The following DYNC2LI1 variants were observed in gnomAD, a reference collection of about 807,000 sequenced individuals.
The protein encoded by DYNC2LI1 is cytoplasmic dynein 2 light intermediate chain 1.
DYNC2LI1 carries 45 observed loss-of-function variants against 51.9 expected under a neutral mutation model. That is an observed-to-expected ratio of 0.87 (90% CI 0.68 to 1.11). The LOEUF is 1.11. Among genes scored for constraint, DYNC2LI1 ranks in the 50% most tolerant of loss-of-function variants. The pLI is 0.00. For missense variants in DYNC2LI1, 490 were observed against 417.4 expected (o/e 1.17, Z -1.51); for synonymous variants, 130 against 137.8 (o/e 0.94, Z 0.40).
In DYNC2LI1 at chr2:43,794,803, A is replaced by T. The variant is rs988199994; in HGVS notation, c.507+160A>T. 7.4e-6 allele frequency: 11 copies of T among 1,480,562 alleles called. No homozygotes were observed. The African/African-American group carries it at 1.6e-4, about 21-fold the overall frequency. 91.7% of individuals were successfully genotyped at this position (1,480,562 alleles called of 1,614,324 possible). On this transcript the variant is annotated intron_variant, in intron 6 of 12. Transcript: ENST00000260605. ...AATTACAGCAATTTATTAAAACCTCAGTAAGAGCAAAACAAGGAAGAAGAT... is the reference window on the plus strand; with the variant it reads ...AATTACAGCAATTTATTAAAACCTCTGTAAGAGCAAAACAAGGAAGAAGAT...
At position 43,809,981 on chromosome 2, in the gene DYNC2LI1, A is replaced by C; in HGVS notation, c.*214A>C. ...AGAACCACGTGTAATTTTTTTTAAAATAAAAGAATCTTCTACTACCTACCT... is the reference window on the plus strand; with the variant it reads ...AGAACCACGTGTAATTTTTTTTAAACTAAAAGAATCTTCTACTACCTACCT... On this transcript the variant is annotated 3_prime_UTR_variant, in exon 13 of 13. Transcript: ENST00000260605. 1 of 1,250,362 alleles carries C rather than the reference A, an allele frequency of 8.0e-7. No homozygotes were observed. The highest frequency in any genetic ancestry group is 1.0e-6 in the Non-Finnish European group (1 of 978,256). The allele number at this position is 1,250,362 out of a possible 1,614,324, so 77.5% of individuals were successfully genotyped here. A position where few individuals can be genotyped will look rare whatever the true frequency, so the allele number is the denominator to read the frequency against.
downstream of DYNC2LI1, among the ~76,000 whole-genome samples, chr2:43,811,284 C>G (rs147984320): frequency 4.1e-4 from 62 of 152,284 alleles, no homozygotes; most frequent in African/African-American, 1.4e-3. Context: ...TGTCAAAGAC[C>G]TTTTATAAAA....
At chr2:43,810,895 T>C (rs1158714805), downstream of DYNC2LI1, among the ~76,000 whole-genome samples, 4 of 152,220 alleles carry the variant, frequency 2.6e-5, no homozygotes, top group African/African-American at 4.8e-5. Context: ...GTAATAGGAA[T>C]TGTTATTATG....
At chr2:43,828,069 C>T in the DYNC2LI1 span, 10 of 1,614,102 alleles carry the variant, frequency 6.2e-6, no homozygotes, top group South Asian at 3.3e-5. Flanking sequence ...GCCAATCAGT[C>T]GGTCTGCCAC....
chr2:43,819,881 C>T, the DYNC2LI1 span: 1 of 1,606,636 alleles, frequency 6.2e-7, no homozygotes, highest in African/African-American at 1.3e-5. Flanking sequence ...AACAGATTAT[C>T]CCAATCTAAA....
chr2:43,823,924 G>A, the DYNC2LI1 span: 8 of 1,614,152 alleles, frequency 5.0e-6, 1 homozygote, highest in East Asian at 8.9e-5. Flanking sequence ...CAGATTCACA[G>A]CGTTCAGCAT....
the DYNC2LI1 span, chr2:43,822,895 G>A: frequency 2.1e-4 from 346 of 1,614,088 alleles, 1 homozygote; most frequent in Middle Eastern, 1.2e-3. Flanking sequence ...GGTAGAGGCC[G>A]TCCTGACTCT....
intron 7 of DYNC2LI1, among the ~76,000 whole-genome samples, chr2:43,796,510 A>T (rs1466527137): frequency 3.9e-5 from 6 of 152,220 alleles, no homozygotes; most frequent in African/African-American, 1.4e-4. Context: ...CTAAGTATTT[A>T]AACAAAGAAA....
Position 43,776,867 on chromosome 2 carries a change from A to T in DYNC2LI1, c.94A>T (p.Lys32Ter). Residue 32 changes from lysine (K) to a stop codon, truncating the protein, a stop_gained, in exon 2 of 13, where the codon AAA (lysine) becomes TAA (stop). Coordinates refer to ENST00000260605, the MANE Select transcript of DYNC2LI1 (RefSeq NM_016008.4). LOFTEE classifies it high-confidence loss of function. Reference protein sequence around the residue: ...SEGDGAEIAEKFVFFIGSKNG... With the variant: ...SEGDGAEIAE ...AGGTGATGGAGCTGAAATTGCAGAA[A>T]AATTTGTTTTCTTCATTGGCAGTAA... 6.2e-7 allele frequency: 1 copy of T among 1,604,194 alleles called. No individual in the cohort carries two copies. Among genetic ancestry groups the T allele is most frequent in the African/African-American group, 1.3e-5 (1 of 74,518 alleles).
In DYNC2LI1 at chr2:43,805,188, C is replaced by T. The variant is rs147707047; in HGVS notation, c.935C>T (p.Ala312Val). Residue 312 changes from alanine (A) to valine (V), a missense_variant, in exon 12 of 13, where the codon GCG becomes GTG. Coordinates refer to ENST00000260605, the MANE Select transcript of DYNC2LI1 (RefSeq NM_016008.4). Reference sequence around the variant, plus strand: ...ACGCTGAAAGATATCAAGGACCCTGCGAGAGATCCTCAGTATGCTGAAAAT... The same window carrying T: ...ACGCTGAAAGATATCAAGGACCCTGTGAGAGATCCTCAGTATGCTGAAAAT... ...INTLKDIKDPARDPQYAENEV... is the reference protein window; with the variant it reads ...INTLKDIKDPVRDPQYAENEV... 35 of 1,611,456 alleles carry T rather than the reference C, an allele frequency of 2.2e-5. No individual in the cohort carries two copies. Among genetic ancestry groups the T allele is most frequent in the African/African-American group, 1.9e-4 (14 of 74,870 alleles).
At chr2:43,775,524 G>C (rs1290240778) in intron 1 of DYNC2LI1, among the ~76,000 whole-genome samples, 3 of 151,062 alleles carry the variant, frequency 2.0e-5, no homozygotes, top group Admixed American at 1.3e-4. Flanking sequence ...GGGGAGACAA[G>C]GTCTTGCTGT....
At chr2:43,824,072 G>T in the DYNC2LI1 span, 1 of 1,614,164 alleles carries the variant, frequency 6.2e-7, no homozygotes, top group Non-Finnish European at 8.5e-7. Flanking sequence ...TGAAGGAGAC[G>T]CGTAATCACT....
chr2:43,785,788 A>G (rs1350492125), intron 3 of DYNC2LI1, among the ~76,000 whole-genome samples: 2 of 151,988 alleles, frequency 1.3e-5, no homozygotes, highest in African/African-American at 4.8e-5. Flanking sequence ...TCAGAAACAA[A>G]AAGTAGAATG....
chr2:43,795,333 G>A (rs1378343817), intron 6 of DYNC2LI1: 4 of 312,664 alleles, frequency 1.3e-5, no homozygotes, highest in Non-Finnish European at 1.9e-5. Context: ...GTGAAACCCC[G>A]TCTCTACTTA....
At chr2:43,810,455 A>C, downstream of DYNC2LI1, 1 of 985,422 alleles carries the variant, frequency 1.0e-6, no homozygotes, top group South Asian at 4.7e-5. Context: ...ATTATTTCCA[A>C]GGTGGGATAG....
intron 10 of DYNC2LI1, among the ~76,000 whole-genome samples, chr2:43,801,994 G>A (rs1367013814): frequency 6.6e-6 from 1 of 152,046 alleles, no homozygotes; most frequent in African/African-American, 2.4e-5. Context: ...CTGATTTCCA[G>A]GTACTTTTAA....
At chr2:43,814,284 C>G (rs943705933), downstream of DYNC2LI1, among the ~76,000 whole-genome samples, 1 of 152,172 alleles carries the variant, frequency 6.6e-6, no homozygotes, top group African/African-American at 2.4e-5. Flanking sequence ...TGACCTTTGA[C>G]AGGAGACTAA....
chr2:43,788,197 A>G (rs1439809186), intron 4 of DYNC2LI1, among the ~76,000 whole-genome samples: 1 of 152,200 alleles, frequency 6.6e-6, no homozygotes, highest in African/African-American at 2.4e-5. Context: ...CAAATTGTGA[A>G]TGGAGGGAGA....
At chr2:43,824,953 C>T in the DYNC2LI1 span, 3 of 1,614,040 alleles carry the variant, frequency 1.9e-6, no homozygotes, top group Non-Finnish European at 2.5e-6. Flanking sequence ...AGAAATCAAG[C>T]ATTTCCGCTG....
Sources: allele counts gnomAD v4.1 joint callset (sites outside exome capture counted in the v4.1 genomes callset), GRCh38; gene constraint gnomAD v4.1.1; transcripts MANE v1.5; gene names NCBI Gene and HGNC (gene_info 2026-07-23, HGNC 2026-07-21).